The following PIK3CG variants were observed in gnomAD, a reference collection of about 807,000 sequenced individuals.
PIK3CG encodes phosphatidylinositol 4,5-bisphosphate 3-kinase catalytic subunit gamma isoform.
A neutral mutation model predicts 102.3 loss-of-function variants in PIK3CG; 55 were observed. The observed-to-expected ratio is 0.54, with a 90% CI of 0.43 to 0.67. The LOEUF is 0.67. Ranked by LOEUF, PIK3CG falls within the 30% of genes least tolerant of loss-of-function variation. PIK3CG has a pLI of 0.00. For synonymous variants in PIK3CG, 552 were observed against 540.0 expected (o/e 1.02, Z -0.31); for missense variants, 1,258 against 1,391.8 (o/e 0.90, Z 1.53).
rs1791298605 is a variant in PIK3CG at position 106,892,819 on chromosome 7, T to C, written c.3030+6527T>C. On this transcript the variant is annotated intron_variant, in intron 10 of 10. Transcript: ENST00000496166. The surrounding 1 kb of genome is among the most constrained non-coding windows in gnomAD (Gnocchi z 5.2). ...TTAAGGGATGAATTCAGTTTCATTT[T>C]TCCAGGCAGATACAGGGAAGGGAGG... 6.6e-6 allele frequency among the ~76,000 whole-genome samples: 1 copy of C among 152,202 alleles called. No homozygotes were observed. The highest frequency in any genetic ancestry group is 2.4e-5 in the African/African-American group (1 of 41,444).
At position 106,872,925 on chromosome 7, in the gene PIK3CG, C is replaced by A. The variant is rs541883875; in HGVS notation, c.2274C>A (p.Asp758Glu). Residue 758 changes from aspartate (D) to glutamate (E), a missense_variant, in exon 4 of 11, where the codon GAC (aspartate) becomes GAA (glutamate). Physicochemically the swap from Asp to Glu is conservative, Grantham distance 45. Transcript: ENST00000496166. The surrounding 1 kb of genome is among the most constrained non-coding windows in gnomAD (Gnocchi z 5.3). ...DIKSLSAEKY[D>E]VSSQVISQLK... ...AATCGCTCTCTGCTGAAAAGTATGA[C>A]GTCAGTTCCCAAGGTACGGTGGCTA... 1.9e-6 allele frequency: 3 copies of A among 1,611,504 alleles called. No homozygotes were observed. In the South Asian group the frequency reaches 3.3e-5, roughly 18 times the overall value.
chr7:106,874,765 G>A lies in PIK3CG; in HGVS notation c.2353G>A (p.Val785Ile), dbSNP rs1455910110. 1 of 1,613,908 alleles carries A rather than the reference G, an allele frequency of 6.2e-7. No individual in the cohort carries two copies. Among genetic ancestry groups the A allele is most frequent in the Non-Finnish European group, 8.5e-7 (1 of 1,179,908 alleles). Residue 785 changes from valine to isoleucine, a missense_variant, in exon 5 of 11, where the codon GTT becomes ATT. Val to Ile is a conservative substitution (Grantham distance 29). Coordinates refer to ENST00000496166, the MANE Select transcript of PIK3CG (RefSeq NM_001282426.2). This position sits in a 1 kb window ranked among gnomAD's most constrained non-coding sequence, Gnocchi z 4.3. ...TTCTCAACTCCCCGAAAGCTTTAGA[G>A]TTCCATATGATCCTGGACTGAAAGC... ...QNSQLPESFR[V>I]PYDPGLKAGA... is the part of the protein sequence containing the mutation.
In PIK3CG at chr7:106,893,953, C is replaced by T. The variant is rs79635293; in HGVS notation, c.3030+7661C>T. ...TAGGCAGTTGTGACACAATGTTATG[C>T]ACTTGTGTATCTAAACACATCTGAA... On this transcript the variant is annotated intron_variant, in intron 10 of 10. Coordinates refer to ENST00000496166, the MANE Select transcript of PIK3CG (RefSeq NM_001282426.2). This position sits in a 1 kb window ranked among gnomAD's most constrained non-coding sequence, Gnocchi z 4.4. Among the ~76,000 whole-genome samples, 5 of 152,260 alleles carry T rather than the reference C, an allele frequency of 3.3e-5. No individual in the cohort carries two copies. The highest frequency in any genetic ancestry group is 5.9e-5 in the Non-Finnish European group (4 of 68,018).
chr7:106,883,282 GT>G lies in PIK3CG; in HGVS notation c.2760+125del. ...TCTTGCCTCCTGACATATTAGTGAA[GT>G]TTTTTACTTGTGAAATAATGGAGGT... is the stretch of plus-strand genomic sequence containing the variant. On this transcript the variant is annotated intron_variant, in intron 8 of 10. Coordinates refer to ENST00000496166, the MANE Select transcript of PIK3CG (RefSeq NM_001282426.2). The surrounding 1 kb of genome is among the most constrained non-coding windows in gnomAD (Gnocchi z 5.8). 3 of 1,043,954 alleles carry G rather than the reference GT, an allele frequency of 2.9e-6. No homozygotes were observed. The highest frequency in any genetic ancestry group is 4.3e-6 in the Non-Finnish European group (3 of 703,790). 64.7% of individuals were successfully genotyped at this position (1,043,954 alleles called of 1,614,324 possible).
intron 10 of PIK3CG, among the ~76,000 whole-genome samples, chr7:106,898,322 G>T (rs1791460394): frequency 1.3e-5 from 2 of 152,168 alleles, no homozygotes. Flanking sequence ...CTCCCATTCT[G>T]TAGGTTGTCT....
Position 106,899,624 on chromosome 7 carries a change from G to T in PIK3CG, c.3031-5485G>T, listed in dbSNP as rs554448288. ...TTTCTGTGTCTATGGAGATAATCAT[G>T]TGGTTTTTGTCTTTAGTTCTTTGTA... On this transcript the variant is annotated intron_variant, in intron 10 of 10. Transcript: ENST00000496166. The surrounding 1 kb of genome is among the most constrained non-coding windows in gnomAD (Gnocchi z 4.6). 2.0e-5 allele frequency among the ~76,000 whole-genome samples: 3 copies of T among 152,306 alleles called. No individual in the cohort carries two copies. The highest frequency in any genetic ancestry group is 1.3e-4 in the Admixed American group (2 of 15,296).
chr7:106,904,904 TC>T (rs1791648587), intron 10 of PIK3CG, among the ~76,000 whole-genome samples: 2 of 152,214 alleles, frequency 1.3e-5, no homozygotes, highest in Non-Finnish European at 2.9e-5. Context: ...CCTTGAGCAC[TC>T]CCTGGATATA....
chr7:106,872,235 T>A lies in PIK3CG; in HGVS notation c.1996-302T>A, dbSNP rs1790556411. Among the ~76,000 whole-genome samples the A allele has an allele frequency of 6.6e-6, 1 of 152,182 alleles. No homozygotes were observed. Among genetic ancestry groups the A allele is most frequent in the African/African-American group, 2.4e-5 (1 of 41,434 alleles). Reference sequence around the variant, plus strand: ...CTCCAACAAAACCAGTAAGACCTAATTAGAGCAAATTCCCTCACCTCTTCA... The same window carrying A: ...CTCCAACAAAACCAGTAAGACCTAAATAGAGCAAATTCCCTCACCTCTTCA... On this transcript the variant is annotated intron_variant, in intron 2 of 10. Transcript: ENST00000496166. The surrounding 1 kb of genome is among the most constrained non-coding windows in gnomAD (Gnocchi z 5.3).
Position 106,868,047 on chromosome 7 carries a change from C to G in PIK3CG, c.486C>G (p.Val162=), listed in dbSNP as rs754990513. ...RQLTALIGYD[V]TDVSNVHDDE... ...TCACGGCGCTGATTGGCTATGACGT[C>G]ACTGACGTCAGCAACGTGCACGACG... The change falls in exon 2 of 11, where the codon GTC becomes GTG. Residue 162 remains valine, a synonymous_variant. Coordinates refer to ENST00000496166, the MANE Select transcript of PIK3CG (RefSeq NM_001282426.2). This position sits in a 1 kb window ranked among gnomAD's most constrained non-coding sequence, Gnocchi z 6.2. 1 of 1,612,684 alleles carries G rather than the reference C, an allele frequency of 6.2e-7. No homozygotes were observed. The highest frequency in any genetic ancestry group is 8.5e-7 in the Non-Finnish European group (1 of 1,179,242).
chr7:106,898,387 A>G (rs937314913), intron 10 of PIK3CG, among the ~76,000 whole-genome samples: 14 of 152,280 alleles, frequency 9.2e-5, no homozygotes, highest in African/African-American at 3.1e-4. Flanking sequence ...GTTTAATTAG[A>G]TCCCACTTGT....
At chr7:106,887,446 AC>A (rs1791132785) in intron 10 of PIK3CG, among the ~76,000 whole-genome samples, 2 of 152,102 alleles carry the variant, frequency 1.3e-5, no homozygotes. Context: ...AGACGACATG[AC>A]CCTTGAAGTT....
rs2116446440 is a variant in PIK3CG at position 106,868,660 on chromosome 7, G to A, written c.1099G>A (p.Gly367Ser). Reference protein sequence around the residue: ...CDRKFRVKIRGIDIPVLPRNT... With the variant: ...CDRKFRVKIRSIDIPVLPRNT... ...CCGCAAGTTCAGGGTCAAGATCAGA[G>A]GCATTGATATCCCCGTCCTGCCTCG... is the stretch of plus-strand genomic sequence containing the variant. The change falls in exon 2 of 11, where the codon GGC (glycine) becomes AGC (serine). Residue 367 changes from glycine (G) to serine (S), a missense_variant. By Grantham distance (56) the Gly-to-Ser change is moderately conservative. Around this residue, in one of 2 missense-constraint regions of PIK3CG, gnomAD observed 832 missense variants for 787.5 expected, o/e 1.06. Coordinates refer to ENST00000496166, the MANE Select transcript of PIK3CG (RefSeq NM_001282426.2). This position sits in a 1 kb window ranked among gnomAD's most constrained non-coding sequence, Gnocchi z 6.2. 6.2e-7 allele frequency: 1 copy of A among 1,614,220 alleles called. No individual in the cohort carries two copies. Among genetic ancestry groups the A allele is most frequent in the East Asian group, 2.2e-5 (1 of 44,880 alleles).
chr7:106,899,895 C>T lies in PIK3CG; in HGVS notation c.3031-5214C>T, dbSNP rs1337264295. Among the ~76,000 whole-genome samples the T allele has an allele frequency of 6.6e-6, 1 of 152,062 alleles. No individual in the cohort carries two copies. On this transcript the variant is annotated intron_variant, in intron 10 of 10. Transcript: ENST00000496166. This position sits in a 1 kb window ranked among gnomAD's most constrained non-coding sequence, Gnocchi z 4.6. The stretch of plus-strand genomic sequence containing the variant: ...TAGAACGAGTTGGGGAGGAGTCCCT[C>T]CTCAATTTTTTAGAATAGCTTATAT...
At chr7:106,870,242 T>C (rs2116472011) in intron 2 of PIK3CG, among the ~76,000 whole-genome samples, 1 of 152,298 alleles carries the variant, frequency 6.6e-6, no homozygotes, top group South Asian at 2.1e-4. Flanking sequence ...TCTCTGCAGA[T>C]AGGTACAGGA....
chr7:106,879,491 TG>T lies in PIK3CG; in HGVS notation c.2392-24del. The stretch of plus-strand genomic sequence containing the variant: ...ATGTATATTCGTTATTCATTGTGTG[TG>T]GGGAATATGTGACTGCTTCCTTACA... On this transcript the variant is annotated intron_variant, in intron 5 of 10. Transcript: ENST00000496166. This position sits in a 1 kb window ranked among gnomAD's most constrained non-coding sequence, Gnocchi z 4.9. 1 of 1,591,604 alleles carries T rather than the reference TG, an allele frequency of 6.3e-7. No homozygotes were observed.
rs1268105045 is a variant in PIK3CG at position 106,867,686 on chromosome 7, T to C, written c.125T>C (p.Phe42Ser). The change falls in exon 2 of 11, where the codon TTC (phenylalanine) becomes TCC (serine). Residue 42 changes from phenylalanine (F) to serine (S), a missense_variant. Physicochemically the swap from Phe to Ser is radical, Grantham distance 155. Transcript: ENST00000496166. This position sits in a 1 kb window ranked among gnomAD's most constrained non-coding sequence, Gnocchi z 5.1. ...LSSMELIPIE[F>S]VLPTSQRKCK... ...TCCATGGAGCTCATCCCCATCGAGT[T>C]CGTGCTGCCCACCAGCCAGCGCAAA... 6.2e-7 allele frequency: 1 copy of C among 1,613,286 alleles called. No homozygotes were observed. The highest frequency in any genetic ancestry group is 1.7e-5 in the Admixed American group (1 of 60,030).
At position 106,872,409 on chromosome 7, in the gene PIK3CG, G is replaced by C. The variant is rs1390694003; in HGVS notation, c.1996-128G>C. 3 of 750,934 alleles carry C rather than the reference G, an allele frequency of 4.0e-6. No individual in the cohort carries two copies. Among genetic ancestry groups the C allele is most frequent in the Non-Finnish European group, 6.9e-6 (3 of 435,568 alleles). The allele number at this position is 750,934 out of a possible 1,614,324, so 46.5% of individuals were successfully genotyped here. A position where few individuals can be genotyped will look rare whatever the true frequency, so the allele number is the denominator to read the frequency against. On this transcript the variant is annotated intron_variant, in intron 2 of 10. Transcript: ENST00000496166. The surrounding 1 kb of genome is among the most constrained non-coding windows in gnomAD (Gnocchi z 5.3). ...CAGACAGGATTAAACTTAAGTGACT[G>C]TTAAGATTTTCATCTTTCTAGCCGT... is the stretch of plus-strand genomic sequence containing the variant.
Position 106,891,991 on chromosome 7 carries a change from G to A in PIK3CG, c.3030+5699G>A, listed in dbSNP as rs1791279033. 6.6e-6 allele frequency among the ~76,000 whole-genome samples: 1 copy of A among 151,864 alleles called. No homozygotes were observed. Among genetic ancestry groups the A allele is most frequent in the African/African-American group, 2.4e-5 (1 of 41,322 alleles). ...TCAACCAGAGTCCATCTCTTCTGTG[G>A]TCTAGCTCTACTCTTGGGTCCCACA... On this transcript the variant is annotated intron_variant, in intron 10 of 10. Coordinates refer to ENST00000496166, the MANE Select transcript of PIK3CG (RefSeq NM_001282426.2). The surrounding 1 kb of genome is among the most constrained non-coding windows in gnomAD (Gnocchi z 4.4).
Position 106,874,876 on chromosome 7 carries a change from T to A in PIK3CG, c.2391+73T>A. The A allele has an allele frequency of 1.1e-6, 1 of 940,394 alleles. No individual in the cohort carries two copies. The highest frequency in any genetic ancestry group is 1.7e-6 in the Non-Finnish European group (1 of 592,074). 58.3% of individuals were successfully genotyped at this position (940,394 alleles called of 1,614,324 possible). ...GTCTAACGTGCTTGCTGGGGCCCAG[T>A]ACTTAAAAGCTAATGTTTATGCAGA... On this transcript the variant is annotated intron_variant, in intron 5 of 10. Coordinates refer to ENST00000496166, the MANE Select transcript of PIK3CG (RefSeq NM_001282426.2). The surrounding 1 kb of genome is among the most constrained non-coding windows in gnomAD (Gnocchi z 4.3).
Sources: gnomAD v4.1 joint callset for allele counts (sites outside exome capture counted in the v4.1 genomes callset) on GRCh38, gnomAD v4.1.1 for gene constraint, gnomAD v4.1.1 regional missense constraint, Gnocchi (gnomAD v3.1) non-coding constraint, MANE v1.5 for transcripts, NCBI Gene and HGNC (gene_info 2026-07-23, HGNC 2026-07-21) for gene names.